The following WDR7 variants were observed in gnomAD, a reference collection of about 807,000 sequenced individuals.
The protein encoded by WDR7 is WD repeat-containing protein 7.
WDR7 carries 46 observed loss-of-function variants against 169.4 expected under a neutral mutation model. That is an observed-to-expected ratio of 0.27 (90% CI 0.21 to 0.35). The LOEUF (loss-of-function observed/expected upper bound fraction) is 0.35, where lower values mean the gene tolerates loss of function less well. WDR7 is among the 10% of genes least tolerant of loss of function. The pLI, the probability that WDR7 is intolerant of heterozygous loss-of-function variation, is 1.00. For synonymous variants in WDR7, 612 were observed against 666.8 expected (o/e 0.92, Z 1.27); for missense variants, 1,534 against 1,859.3 (o/e 0.83, Z 3.22).
chr18:56,729,011 A>T (rs1307519042), intron 13 of WDR7, among the ~76,000 whole-genome samples: 1 of 152,154 alleles, frequency 6.6e-6, no homozygotes, highest in Non-Finnish European at 1.5e-5. Context: ...TTCAGAAGAG[A>T]AGAGGAAGTA....
At chr18:56,961,614 G>A (rs748938038) in intron 25 of WDR7, among the ~76,000 whole-genome samples, 7 of 152,064 alleles carry the variant, frequency 4.6e-5, no homozygotes, top group Admixed American at 4.6e-4. Flanking sequence ...CCATGTAGAC[G>A]TGAAATCAGT....
intron 16 of WDR7, among the ~76,000 whole-genome samples, chr18:56,776,133 T>G (rs2044239758): frequency 6.6e-6 from 1 of 151,652 alleles, no homozygotes; most frequent in Non-Finnish European, 1.5e-5. Flanking sequence ...ATAAGAAATA[T>G]AAAATTCACA....
intron 13 of WDR7, among the ~76,000 whole-genome samples, chr18:56,722,640 T>C (rs913440887): frequency 1.3e-5 from 2 of 152,186 alleles, no homozygotes; most frequent in African/African-American, 4.8e-5. Context: ...ATGATTGACT[T>C]TATGAAATCT....
At position 56,780,022 on chromosome 18, in the gene WDR7, G is replaced by C. The variant is rs2044293977; in HGVS notation, c.3066+473G>C. Among the ~76,000 whole-genome samples, 3 of 152,136 alleles carry C rather than the reference G, an allele frequency of 2.0e-5. No individual in the cohort carries two copies. The South Asian group carries it at 6.2e-4, about 31-fold the overall frequency. ...ATCAGTCCCACCAATTATGAACTTT[G>C]TGACCCTGGGCAATTTACTTAACCT... On this transcript the variant is annotated intron_variant, in intron 18 of 27. Coordinates refer to ENST00000254442, the MANE Select transcript of WDR7 (RefSeq NM_015285.3).
chr18:56,971,985 A>G (rs1451032622), intron 26 of WDR7, among the ~76,000 whole-genome samples: 1 of 152,246 alleles, frequency 6.6e-6, no homozygotes, highest in Non-Finnish European at 1.5e-5. Flanking sequence ...ACAAAGTTAC[A>G]TAGTATTAGC....
At chr18:56,795,742 A>G (rs73958330) in intron 19 of WDR7, among the ~76,000 whole-genome samples, 5,860 of 152,082 alleles carry the variant, frequency 0.039, 380 homozygotes, top group African/African-American at 0.14. Context: ...CTTTATTTGT[A>G]TTTGTTTGAT....
intron 27 of WDR7, 79 bp from the exon 28 acceptor site, chr18:57,026,925 G>A: frequency 1.4e-6 from 2 of 1,450,510 alleles, no homozygotes. Context: ...AAAGTAGCCA[G>A]GAGAGATCGA....
intron 12 of WDR7, among the ~76,000 whole-genome samples, chr18:56,704,474 G>A (rs182247627): frequency 7.2e-5 from 11 of 152,252 alleles, no homozygotes; most frequent in Admixed American, 2.6e-4. Flanking sequence ...TGGAGTTCAA[G>A]GCTGCAGTGA....
At chr18:56,660,304 A>G (rs1483626273) in intron 1 of WDR7, among the ~76,000 whole-genome samples, 1 of 152,164 alleles carries the variant, frequency 6.6e-6, no homozygotes, top group Non-Finnish European at 1.5e-5. Context: ...GGATTTCAGA[A>G]AAGCATCCCA....
intron 26 of WDR7, among the ~76,000 whole-genome samples, chr18:56,976,035 C>T (rs79641987): frequency 0.035 from 5,294 of 152,228 alleles, 319 homozygotes; most frequent in African/African-American, 0.12. Flanking sequence ...CAAAATCAGA[C>T]CTTCAATTTT....
At chr18:56,923,612 C>T (rs1428461868) in intron 21 of WDR7, among the ~76,000 whole-genome samples, 1 of 152,136 alleles carries the variant, frequency 6.6e-6, no homozygotes, top group Non-Finnish European at 1.5e-5. Flanking sequence ...TTTGCAGAAC[C>T]CTGAGTTAGG....
At chr18:56,856,517 G>A (rs575523189) in intron 20 of WDR7, among the ~76,000 whole-genome samples, 218 of 152,108 alleles carry the variant, frequency 1.4e-3, no homozygotes, top group African/African-American at 5.0e-3. Flanking sequence ...CTAGGTGACA[G>A]AGCAAGACTT....
rs142893788 is a variant in WDR7, at chr18:56,816,128, C to T, written c.3288C>T (p.Asp1096=). ...KVQEEEHDLV[D]DDITTGCLSS... ...AGGAGGAAGAGCATGACCTTGTTGA[C>T]GATGACATCACCACTGGTAAGCACA... Residue 1096 remains aspartate, a synonymous_variant, in exon 20 of 28, where the codon GAC becomes GAT. Transcript: ENST00000254442. 4.0e-4 allele frequency: 641 copies of T among 1,613,342 alleles called. No homozygotes were observed. Among genetic ancestry groups the T allele is most frequent in the South Asian group, 5.3e-4 (48 of 90,948 alleles).
At chr18:56,813,059 T>C (rs371101000) in intron 19 of WDR7, among the ~76,000 whole-genome samples, 218 of 148,166 alleles carry the variant, frequency 1.5e-3, no homozygotes, top group African/African-American at 5.0e-3. Flanking sequence ...AGGGATAGCA[T>C]TGGGAGATAT....
At chr18:56,748,179 G>T (rs2043734279) in intron 14 of WDR7, among the ~76,000 whole-genome samples, 1 of 152,138 alleles carries the variant, frequency 6.6e-6, no homozygotes, top group South Asian at 2.1e-4. Context: ...AATACTGCTT[G>T]TGTTATCTGT....
At chr18:56,732,880 T>A (rs2026617543) in intron 14 of WDR7, among the ~76,000 whole-genome samples, 1 of 152,200 alleles carries the variant, frequency 6.6e-6, no homozygotes, top group Non-Finnish European at 1.5e-5. Context: ...ACAATATGTT[T>A]AAGAGCATGC....
At position 56,830,013 on chromosome 18, in the gene WDR7, A is replaced by T. The variant is rs373123668; in HGVS notation, c.3304+13869A>T. Among the ~76,000 whole-genome samples the T allele has an allele frequency of 5.3e-5, 8 of 152,304 alleles. No individual in the cohort carries two copies. The South Asian group carries it at 1.7e-3, about 32-fold the overall frequency. On this transcript the variant is annotated intron_variant, in intron 20 of 27. Transcript: ENST00000254442. ...AGTCTTTGTTTTTTAAAAAATGGGGAAAATTGGATCCAAGCAGCTCTAAAT... is the reference window on the plus strand; with the variant it reads ...AGTCTTTGTTTTTTAAAAAATGGGGTAAATTGGATCCAAGCAGCTCTAAAT...
chr18:56,660,487 GA>G (rs1210680890), intron 1 of WDR7, among the ~76,000 whole-genome samples: 1 of 151,732 alleles, frequency 6.6e-6, no homozygotes, highest in African/African-American at 2.4e-5. Flanking sequence ...CCCCAAATTT[GA>G]AAAAAATCCA....
Position 56,923,923 on chromosome 18 carries a change from C to G in WDR7, c.3528C>G (p.Cys1176Trp). 6.5e-7 allele frequency: 1 copy of G among 1,540,264 alleles called. No individual in the cohort carries two copies. The highest frequency in any genetic ancestry group is 8.7e-7 in the Non-Finnish European group (1 of 1,148,088). The change falls in exon 22 of 28, where the codon TGC becomes TGG. Residue 1176 changes from cysteine to tryptophan, a missense_variant and splice_region_variant. By Grantham distance (215) the Cys-to-Trp change is radical. Coordinates refer to ENST00000254442, the MANE Select transcript of WDR7 (RefSeq NM_015285.3). The part of the protein sequence containing the change: ...GSNYSLARHT[C>W]KALTFLLLQP... ...CTGCATTTTATTCTATAATTTCAGG[C>G]AAGGCACTGACGTTTCTTCTGCTAC...
Sources: gnomAD v4.1 joint callset for allele counts (sites outside exome capture counted in the v4.1 genomes callset) on GRCh38, gnomAD v4.1.1 for gene constraint, MANE v1.5 for transcripts, NCBI Gene and HGNC (gene_info 2026-07-23, HGNC 2026-07-21) for gene names.